PLIN1: variants seen among roughly 807,000 people sequenced by gnomAD.
The protein encoded by PLIN1 is perilipin 1.
Under a neutral mutation model 45.8 loss-of-function variants are expected in PLIN1, and 37 were observed. The observed-to-expected ratio is 0.81, with a 90% confidence interval of 0.62 to 1.06. PLIN1 has a LOEUF of 1.06. Among genes scored for constraint, PLIN1 ranks in the 50% least tolerant of loss-of-function variants. The probability of loss-of-function intolerance (pLI) is 0.00; values close to 1 mark genes in which losing one functional copy is unlikely to be tolerated. For synonymous variants in PLIN1, 340 were observed against 309.2 expected, an observed-to-expected ratio of 1.10 and a Z score of -1.05; for missense variants, 776 against 716.5, an observed-to-expected ratio of 1.08 and a Z score of -0.95.
chr15:89,678,380 G>A (rs1964550828), intron 1 of PLIN1, among the ~76,000 whole-genome samples: 1 of 151,858 alleles, frequency 6.6e-6, no homozygotes, highest in South Asian at 2.1e-4. Flanking sequence ...CGTGGTGGTG[G>A]GCAGCTGTAA....
At chr15:89,669,908 C>T in intron 5 of PLIN1, 72 bp downstream of exon 5, 1 of 1,505,418 alleles carries the variant, frequency 6.6e-7, no homozygotes, top group Non-Finnish European at 9.0e-7. Context: ...GCTGGTTGAG[C>T]CACCTCCTGC....
At chr15:89,672,908 C>T (rs1964460664) in intron 3 of PLIN1, among the ~76,000 whole-genome samples, 1 of 152,242 alleles carries the variant, frequency 6.6e-6, no homozygotes, top group Non-Finnish European at 1.5e-5. Flanking sequence ...TCTGGTCTGC[C>T]ATGGGCCCTA....
chr15:89,672,102 A>G (rs548406959), intron 3 of PLIN1, among the ~76,000 whole-genome samples: 4 of 150,132 alleles, frequency 2.7e-5, no homozygotes, highest in South Asian at 2.1e-4. Flanking sequence ...AACATGACAA[A>G]CTCCCAGCAC....
chr15:89,677,751 TTC>T, intron 1 of PLIN1: 4 of 532,554 alleles, frequency 7.5e-6, no homozygotes, highest in South Asian at 2.6e-5. Context: ...TTTTCTTTCT[TTC>T]TTTTTTTTTT....
intron 2 of PLIN1, among the ~76,000 whole-genome samples, chr15:89,676,142 C>G (rs1051370263): frequency 6.6e-6 from 1 of 152,116 alleles, no homozygotes; most frequent in African/African-American, 2.4e-5. Flanking sequence ...AAAGTGAAGA[C>G]CTGACCTGTT....
chr15:89,666,621 C>T (rs1036461426), intron 8 of PLIN1, among the ~76,000 whole-genome samples: 1 of 152,196 alleles, frequency 6.6e-6, no homozygotes, highest in Non-Finnish European at 1.5e-5. Flanking sequence ...ACCCGCCCAG[C>T]CCTTCAGTTG....
intron 6 of PLIN1, among the ~76,000 whole-genome samples, chr15:89,668,150 C>T (rs1403249752): frequency 6.6e-6 from 1 of 152,198 alleles, no homozygotes; most frequent in Admixed American, 6.5e-5. Context: ...TGCCTATTTT[C>T]GAACTTCATG....
chr15:89,664,827 TGGCTATACATAAA>T lies in PLIN1; in HGVS notation c.*743_*755del. On this transcript the variant is annotated 3_prime_UTR_variant, in exon 9 of 9. Coordinates refer to ENST00000300055, the MANE Select transcript of PLIN1 (RefSeq NM_002666.5). ...GAAGACTAGGGTTGGGGATGAACTG[TGGCTATACATAAA>T]GTCTATATATCATCACCATTTTGGT... 2.2e-6 allele frequency: 1 copy of T among 455,140 alleles called. No homozygotes were observed. The highest frequency in any genetic ancestry group is 4.4e-6 in the Non-Finnish European group (1 of 226,360). The allele number at this position is 455,140 out of a possible 1,614,324, so 28.2% of individuals were successfully genotyped here.
chr15:89,673,764 G>C (rs955314758), intron 2 of PLIN1, among the ~76,000 whole-genome samples: 3 of 151,172 alleles, frequency 2.0e-5, no homozygotes, highest in Non-Finnish European at 4.4e-5. Context: ...TTAATGTCTA[G>C]AGTTTTAGTC....
rs1391251340 is a variant in PLIN1 at position 89,677,710 on chromosome 15, A to C, written c.-14-207T>G. ...ATAGCAATGAGTTGCTCCATAGCTTACTTGTCAAGACTGATGTTTCTTTCT... is the reference window on the plus strand; with the variant it reads ...ATAGCAATGAGTTGCTCCATAGCTTCCTTGTCAAGACTGATGTTTCTTTCT... On this transcript the variant is annotated intron_variant, in intron 1 of 8. Coordinates refer to ENST00000300055, the MANE Select transcript of PLIN1 (RefSeq NM_002666.5). 2.4e-5 allele frequency: 14 copies of C among 594,268 alleles called. No individual in the cohort carries two copies. The Admixed American group carries it at 3.5e-4, about 15-fold the overall frequency. 36.8% of individuals were successfully genotyped at this position (594,268 alleles called of 1,614,324 possible).
intron 3 of PLIN1, 71 bp from the exon 4 acceptor site, chr15:89,671,635 CAAGG>C: frequency 1.7e-6 from 2 of 1,144,564 alleles, no homozygotes; most frequent in Non-Finnish European, 1.3e-6. Context: ...GCTTCTGTGC[CAAGG>C]AAGTGACTTG....
In PLIN1 at chr15:89,674,836, A is replaced by G. The variant is rs553076947; in HGVS notation, c.46-1422T>C. Among the ~76,000 whole-genome samples the G allele has an allele frequency of 3.7e-4, 56 of 152,282 alleles. 2 individuals are homozygous for G. In the South Asian group the frequency reaches 0.011, roughly 30 times the overall value. ...GGTCTGGTGACCCCCTCTCCTGGAC[A>G]TGCTACAGTTTTACATTATCTTTCT... On this transcript the variant is annotated intron_variant, in intron 2 of 8. Transcript: ENST00000300055.
rs774652319 is a variant in PLIN1 at position 89,667,022 on chromosome 15, A to G, written c.1123T>C (p.Ser375Pro). The G allele has an allele frequency of 8.1e-6, 13 of 1,613,972 alleles. No homozygotes were observed. In the African/African-American group the frequency reaches 1.2e-4, roughly 15 times the overall value. Residue 375 changes from serine (S) to proline (P), a missense_variant, in exon 8 of 9, where the codon TCA (serine) becomes CCA (proline). By Grantham distance (74) the Ser-to-Pro change is moderately conservative (BLOSUM62 -1). Coordinates refer to ENST00000300055, the MANE Select transcript of PLIN1 (RefSeq NM_002666.5). Reference sequence around the variant, plus strand: ...AGGGACATGGCCCTCCCCTTGGTTGAGGAGACAGCAGGGGCTGGTGTGAGG... The same window carrying G: ...AGGGACATGGCCCTCCCCTTGGTTGGGGAGACAGCAGGGGCTGGTGTGAGG... Reference protein sequence around the residue: ...LHLTPAPAVSSTKGRAMSLSD... With the variant: ...LHLTPAPAVSPTKGRAMSLSD...
At chr15:89,668,130 GC>G (rs2141528323) in intron 6 of PLIN1, among the ~76,000 whole-genome samples, 1 of 152,278 alleles carries the variant, frequency 6.6e-6, no homozygotes, top group African/African-American at 2.4e-5. Flanking sequence ...CTGTCACCAT[GC>G]CTTAGTTTTG....
At chr15:89,671,596 C>T in intron 3 of PLIN1, 32 bp from the exon 4 acceptor site, 9 of 1,459,472 alleles carry the variant, frequency 6.2e-6, no homozygotes, top group Non-Finnish European at 7.5e-6. Context: ...TGGGTGAGCC[C>T]TGCCCCTCCC....
Position 89,667,709 on chromosome 15 carries a change from T to C in PLIN1, c.856A>G (p.Ser286Gly), listed in dbSNP as rs756718359. 39 of 1,584,062 alleles carry C rather than the reference T, an allele frequency of 2.5e-5. No homozygotes were observed. The highest frequency in any genetic ancestry group is 3.2e-5 in the Non-Finnish European group (37 of 1,165,228). ...TCCTCCTCCTGGGCGGCTGCGAGGC[T>C]GTGCAGCCAGGGTACCCGCACTTCG... ...RSEVRVPWLHSLAAAQEEDHE... is the reference protein window; with the variant it reads ...RSEVRVPWLHGLAAAQEEDHE... Residue 286 changes from serine (S) to glycine (G), a missense_variant, in exon 7 of 9, where the codon AGC (serine) becomes GGC (glycine). Transcript: ENST00000300055.
At chr15:89,671,434 C>T (rs752369058) in intron 4 of PLIN1, 48 bp downstream of exon 4, 8 of 1,292,248 alleles carry the variant, frequency 6.2e-6, no homozygotes, top group South Asian at 2.5e-5. Context: ...CCCTGAGAGG[C>T]GGTGACGACA....
chr15:89,668,831 C>T (rs114382964), intron 6 of PLIN1, among the ~76,000 whole-genome samples: 114 of 152,342 alleles, frequency 7.5e-4, no homozygotes, highest in African/African-American at 2.7e-3. Context: ...AAAAGTACTG[C>T]TCAAAAGATG....
chr15:89,669,442 A>G, intron 6 of PLIN1, 58 bp downstream of exon 6: 2 of 1,382,128 alleles, frequency 1.4e-6, no homozygotes, highest in Non-Finnish European at 2.0e-6. Context: ...GGGAGGGACT[A>G]GGAGGCCCAC....
Sources: allele counts gnomAD v4.1 joint callset (sites outside exome capture counted in the v4.1 genomes callset), GRCh38; gene constraint gnomAD v4.1.1; transcripts MANE v1.5; gene names NCBI Gene and HGNC (gene_info 2026-07-23, HGNC 2026-07-21).